AVEN: variants seen among roughly 807,000 people sequenced by gnomAD.
AVEN encodes the protein cell death regulator Aven.
A neutral mutation model predicts 38.1 loss-of-function variants in AVEN; 41 were observed. The observed-to-expected ratio is 1.08, with a 90% CI of 0.84 to 1.40. The LOEUF (loss-of-function observed/expected upper bound fraction) is 1.40. Ranked by LOEUF, AVEN falls within the 40% of genes most tolerant of loss-of-function variation. AVEN has a pLI of 0.00. For synonymous variants in AVEN, 206 were observed against 171.8 expected, an observed-to-expected ratio of 1.20 and a Z score of -1.56; for missense variants, 605 against 438.8, an observed-to-expected ratio of 1.38 and a Z score of -3.38.
intron 4 of AVEN, chr15:34,065,621 C>T (rs780363861): frequency 6.6e-6 from 1 of 152,164 alleles, no homozygotes; most frequent in Non-Finnish European, 1.5e-5. Context: ...TTTTTAAAAA[C>T]AAAGTGTAGG....
At chr15:34,015,572 TTAAAC>T (rs1897860786) in intron 1 of AVEN, among the ~76,000 whole-genome samples, 1 of 152,132 alleles carries the variant, frequency 6.6e-6, no homozygotes, top group South Asian at 2.1e-4. Flanking sequence ...ATTTGGGAAA[TTAAAC>T]TAACTAAAAA....
chr15:34,048,079 T>C (rs1389997446), intron 5 of AVEN, among the ~76,000 whole-genome samples: 2 of 152,188 alleles, frequency 1.3e-5, no homozygotes, highest in African/African-American at 4.8e-5. Flanking sequence ...TTTCACCCTG[T>C]TGCCCAGGCT....
chr15:33,933,906 C>G (rs1183664241), intron 2 of AVEN, among the ~76,000 whole-genome samples: 1 of 152,092 alleles, frequency 6.6e-6, no homozygotes, highest in East Asian at 1.9e-4. Context: ...TTGCAGTGAG[C>G]CAAGATTGCA....
At chr15:33,932,180 C>G (rs779433111) in intron 2 of AVEN, among the ~76,000 whole-genome samples, 5 of 152,222 alleles carry the variant, frequency 3.3e-5, no homozygotes, top group African/African-American at 9.6e-5. Flanking sequence ...AGAATAAACA[C>G]ACATTCTGAA....
chr15:33,977,811 C>T (rs896486640), intron 2 of AVEN, among the ~76,000 whole-genome samples: 2 of 152,192 alleles, frequency 1.3e-5, no homozygotes, highest in Non-Finnish European at 1.5e-5. Context: ...GGTAGTTCAC[C>T]CGTGTAATTC....
intron 1 of AVEN, among the ~76,000 whole-genome samples, chr15:34,031,526 G>A (rs1041512608): frequency 6.6e-6 from 1 of 152,072 alleles, no homozygotes; most frequent in African/African-American, 2.4e-5. Context: ...AGTTTGACTT[G>A]GTACTAAAGA....
In AVEN at chr15:33,933,491, T is replaced by TCACA. The variant is rs71974331; in HGVS notation, c.446-57500_446-57497dup. ...GTAAGCCAGGCCTGGCCTCCAACAA[T>TCACA]CACACACACACACACACACACACAC... On this transcript the variant is annotated intron_variant, in intron 2 of 5. Transcript: ENST00000306730. Among the ~76,000 whole-genome samples the TCACA allele has an allele frequency of 3.1e-3, 212 of 68,258 alleles. 2 individuals are homozygous for TCACA. The highest frequency in any genetic ancestry group is 4.4e-3 in the Admixed American group (26 of 5,946). 44.8% of individuals were successfully genotyped at this position (68,258 alleles called of 152,430 possible). A position where few individuals can be genotyped will look rare whatever the true frequency, so the allele number is the denominator to read the frequency against.
chr15:33,875,753 A>C (rs1891196574), intron 3 of AVEN, among the ~76,000 whole-genome samples, 172 bp downstream of exon 3: 1 of 152,190 alleles, frequency 6.6e-6, no homozygotes, highest in African/African-American at 2.4e-5. Flanking sequence ...TCTAGCTTCA[A>C]GGACCTGTGG....
intron 2 of AVEN, among the ~76,000 whole-genome samples, chr15:33,947,450 A>G (rs1894550441): frequency 6.6e-6 from 1 of 152,202 alleles, no homozygotes; most frequent in Non-Finnish European, 1.5e-5. Context: ...TAATACGTAG[A>G]TGCGTTTGGG....
chr15:34,064,676 T>C, intron 4 of AVEN: 1 of 240,478 alleles, frequency 4.2e-6, no homozygotes, highest in Non-Finnish European at 8.7e-6. Flanking sequence ...GGTGGAAACC[T>C]TTTCCTGTGG....
intron 2 of AVEN, among the ~76,000 whole-genome samples, chr15:33,998,005 T>C (rs984515935): frequency 2.0e-5 from 3 of 152,192 alleles, no homozygotes; most frequent in African/African-American, 7.2e-5. Context: ...AACTATTTCT[T>C]ACCTTCTGCT....
upstream of AVEN, among the ~76,000 whole-genome samples, chr15:34,043,596 C>T (rs1484903538): frequency 6.6e-6 from 1 of 152,124 alleles, no homozygotes; most frequent in African/African-American, 2.4e-5. Flanking sequence ...GAATCCACAG[C>T]CTGTACTCTG....
chr15:33,873,107 T>C (rs910890418), intron 3 of AVEN, among the ~76,000 whole-genome samples: 1 of 141,610 alleles, frequency 7.1e-6, no homozygotes, highest in Non-Finnish European at 1.5e-5. Context: ...TTTTTTTTTT[T>C]TTTTTTTTTT....
intron 2 of AVEN, among the ~76,000 whole-genome samples, chr15:33,965,487 A>G (rs1343052214): frequency 1.3e-5 from 2 of 152,166 alleles, no homozygotes; most frequent in Non-Finnish European, 2.9e-5. Context: ...ATAATTTTGT[A>G]AACAGCTATG....
chr15:33,863,611 G>C (rs1889326304), downstream of AVEN, among the ~76,000 whole-genome samples: 1 of 152,168 alleles, frequency 6.6e-6, no homozygotes. Context: ...ATGGATCACA[G>C]AGCAAGTGAA....
chr15:33,865,408 A>ACACTGTGGGAGAGAACCTGTCAAAATGT (rs1890171360), downstream of AVEN: 1 of 570,280 alleles, frequency 1.8e-6, no homozygotes, highest in East Asian at 2.9e-5. Flanking sequence ...TAATGGACAT[A>ACACTGTGGGAGAGAACCTGTCAAAATGT]CACTGTGGGA....
intron 2 of AVEN, among the ~76,000 whole-genome samples, chr15:33,935,493 T>TAC (rs1280635822): frequency 6.6e-6 from 1 of 151,484 alleles, no homozygotes; most frequent in Non-Finnish European, 1.5e-5. Context: ...TATGTGTATA[T>TAC]ATATGTATAT....
chr15:33,991,249 A>G (rs563586967), intron 2 of AVEN: 1 of 152,366 alleles, frequency 6.6e-6, no homozygotes, highest in African/African-American at 2.4e-5. Flanking sequence ...GAACCCTGGT[A>G]TAAAAATACA....
intron 2 of AVEN, among the ~76,000 whole-genome samples, chr15:33,924,363 G>C (rs1428236772): frequency 6.9e-5 from 7 of 101,188 alleles, no homozygotes; most frequent in East Asian, 6.0e-4. Flanking sequence ...GAGCGAGACT[G>C]TCTCAAAAAA....
Sources: gnomAD v4.1 joint callset for allele counts (sites outside exome capture counted in the v4.1 genomes callset) on GRCh38, gnomAD v4.1.1 for gene constraint, MANE v1.5 for transcripts, NCBI Gene and HGNC (gene_info 2026-07-23, HGNC 2026-07-21) for gene names.